ACAP2: variants seen among roughly 807,000 people sequenced by gnomAD.
ACAP2 encodes the protein arf-GAP with coiled-coil, ANK repeat and PH domain-containing protein 2.
A neutral mutation model predicts 115.8 loss-of-function variants in ACAP2; 39 were observed. That is an observed-to-expected ratio of 0.34 (90% confidence interval 0.26 to 0.44). ACAP2 has a LOEUF of 0.44. ACAP2 is among the 20% of genes least tolerant of loss of function. The pLI is 1.00. For synonymous variants in ACAP2, 289 were observed against 315.8 expected (o/e 0.92, Z 0.90); for missense variants, 662 against 927.6 (o/e 0.71, Z 3.72).
At chr3:195,355,683 C>T (rs1026027519) in intron 4 of ACAP2, among the ~76,000 whole-genome samples, 1 of 152,174 alleles carries the variant, frequency 6.6e-6, no homozygotes, top group Admixed American at 6.5e-5. Flanking sequence ...TAAAGCAGCA[C>T]TATCTCTGCT....
chr3:195,330,649 A>G (rs1300000020), intron 8 of ACAP2, among the ~76,000 whole-genome samples: 3 of 152,098 alleles, frequency 2.0e-5, no homozygotes. Flanking sequence ...ACCCTTCCCT[A>G]TATGGTGGAA....
intron 4 of ACAP2, among the ~76,000 whole-genome samples, chr3:195,372,987 C>CAAAAAAAAAAAAAAAAAAAAAAAA (rs869134113): frequency 2.8e-4 from 5 of 17,778 alleles, no homozygotes; most frequent in Non-Finnish European, 5.6e-4. Flanking sequence ...GACTCCATCT[C>CAAAAAAAAAAAAAAAAAAAAAAAA]AAAAAAAAAA....
Position 195,295,720 on chromosome 3 carries a change from C to A in ACAP2, c.1660G>T (p.Ala554Ser). The A allele has an allele frequency of 6.2e-7, 1 of 1,614,112 alleles. No individual in the cohort carries two copies. The highest frequency in any genetic ancestry group is 8.5e-7 in the Non-Finnish European group (1 of 1,179,994). The change falls in exon 17 of 23, where the codon GCC (alanine) becomes TCC (serine). Residue 554 changes from alanine (A) to serine (S), a missense_variant. Physicochemically the swap from Ala to Ser is moderately conservative, Grantham distance 99 (BLOSUM62 1). This residue lies in a region of ACAP2 where 133 missense variants were observed against 123.1 expected (regional missense o/e 1.08). Transcript: ENST00000326793. ...AAGTTTGCCATACCTGAACTTTGGGCAGATGCTCTGACTTGGTCCCCTGGC... is the reference window on the plus strand; with the variant it reads ...AAGTTTGCCATACCTGAACTTTGGGAAGATGCTCTGACTTGGTCCCCTGGC... The part of the protein sequence containing the change: ...FGPGDQVRAS[A>S]QSSVRSNDSG...
intron 1 of ACAP2, among the ~76,000 whole-genome samples, chr3:195,429,186 G>C (rs558006882): frequency 6.6e-6 from 1 of 151,954 alleles, no homozygotes; most frequent in African/African-American, 2.4e-5. Context: ...TCAGGAGTTC[G>C]AGACCAGCCT....
At chr3:195,422,958 A>G (rs956540089) in intron 1 of ACAP2, among the ~76,000 whole-genome samples, 39 of 152,338 alleles carry the variant, frequency 2.6e-4, no homozygotes, top group African/African-American at 9.1e-4. Context: ...GGCTAAATGT[A>G]ATGAAAAAGC....
At position 195,307,200 on chromosome 3, in the gene ACAP2, A is replaced by G. The variant is rs537541463; in HGVS notation, c.1010+23T>C. On this transcript the variant is annotated intron_variant, in intron 12 of 22. Transcript: ENST00000326793. ...AACTATAAAAACATAAAAGCAAATC[A>G]CAGATCCTTTAGAACCACTTACTTT... The G allele has an allele frequency of 2.7e-5, 43 of 1,581,864 alleles. No individual in the cohort carries two copies. The East Asian group carries it at 8.7e-4, about 32-fold the overall frequency.
At chr3:195,365,275 T>C (rs1248552731) in intron 4 of ACAP2, among the ~76,000 whole-genome samples, 2 of 152,198 alleles carry the variant, frequency 1.3e-5, no homozygotes, top group Non-Finnish European at 2.9e-5. Context: ...ACAAGGTGTA[T>C]AACTGGATTG....
chr3:195,417,049 C>G (rs1056544546), intron 1 of ACAP2, among the ~76,000 whole-genome samples: 1 of 149,364 alleles, frequency 6.7e-6, no homozygotes, highest in African/African-American at 2.5e-5. Context: ...ATACCTGGGA[C>G]TACAGCTGGG....
intron 4 of ACAP2, among the ~76,000 whole-genome samples, chr3:195,363,464 G>A (rs994878543): frequency 6.6e-6 from 1 of 152,186 alleles, no homozygotes; most frequent in South Asian, 2.1e-4. Context: ...CCAACATGAA[G>A]AAACTCCGTC....
At chr3:195,369,403 C>T (rs1732969122) in intron 4 of ACAP2, among the ~76,000 whole-genome samples, 1 of 152,078 alleles carries the variant, frequency 6.6e-6, no homozygotes, top group Middle Eastern at 3.4e-3. Flanking sequence ...TATTTTTTTC[C>T]GATCCTCTCC....
intron 4 of ACAP2, among the ~76,000 whole-genome samples, chr3:195,365,841 A>AT (rs59855378): frequency 0.25 from 34,543 of 138,202 alleles, 4,605 homozygotes; most frequent in Admixed American, 0.34. Context: ...GCCTATAGTA[A>AT]TTTTTTTTTT....
chr3:195,437,166 C>A (rs1715606918), intron 1 of ACAP2, among the ~76,000 whole-genome samples: 1 of 152,146 alleles, frequency 6.6e-6, no homozygotes, highest in African/African-American at 2.4e-5. Flanking sequence ...CCTGCCTCAG[C>A]CTCCTGAGTA....
chr3:195,286,579 C>A (rs1726859183), intron 21 of ACAP2, among the ~76,000 whole-genome samples: 1 of 152,204 alleles, frequency 6.6e-6, no homozygotes, highest in African/African-American at 2.4e-5. Context: ...ACCTCCATCA[C>A]CCTCTTCTGA....
chr3:195,381,983 C>T lies in ACAP2; in HGVS notation c.151G>A (p.Ala51Thr), dbSNP rs201703930. 4 of 1,611,280 alleles carry T rather than the reference C, an allele frequency of 2.5e-6. No homozygotes were observed. In the Admixed American group the frequency reaches 5.1e-5, roughly 20 times the overall value. Residue 51 changes from alanine (A) to threonine (T), a missense_variant, in exon 3 of 23, where the codon GCC (alanine) becomes ACC (threonine). By Grantham distance (58) the Ala-to-Thr change is moderately conservative. Coordinates refer to ENST00000326793, the MANE Select transcript of ACAP2 (RefSeq NM_012287.6). ...LCIAMIDTGK[A>T]FCVANKQFMN... ...AACTGTTTATTTGCAACACAAAAGG[C>T]TTTTCCAGTATCAATCATTGCAATA...
At chr3:195,432,857 T>C (rs1715242379) in intron 1 of ACAP2, among the ~76,000 whole-genome samples, 1 of 152,230 alleles carries the variant, frequency 6.6e-6, no homozygotes, top group Non-Finnish European at 1.5e-5. Context: ...TTAATGTCTT[T>C]CAATGGTGTT....
At chr3:195,373,285 C>T (rs929627452) in intron 4 of ACAP2, among the ~76,000 whole-genome samples, 4 of 151,962 alleles carry the variant, frequency 2.6e-5, no homozygotes, top group African/African-American at 7.2e-5. Flanking sequence ...AAATATTTTA[C>T]AGAGGATCTT....
intron 6 of ACAP2, among the ~76,000 whole-genome samples, chr3:195,341,323 T>TG (rs1173408354): frequency 7.3e-6 from 1 of 136,270 alleles, no homozygotes; most frequent in Non-Finnish European, 1.6e-5. Context: ...TTGTGTGGGT[T>TG]TTTTTTTTTT....
chr3:195,389,928 G>A (rs1734549363), intron 2 of ACAP2, among the ~76,000 whole-genome samples: 1 of 152,234 alleles, frequency 6.6e-6, no homozygotes, highest in Non-Finnish European at 1.5e-5. Context: ...GGGTGCAGTG[G>A]CTCATGCCTG....
At position 195,292,384 on chromosome 3, in the gene ACAP2, T is replaced by C. The variant is rs767771029; in HGVS notation, c.1834A>G (p.Arg612Gly). 5 of 1,613,794 alleles carry C rather than the reference T, an allele frequency of 3.1e-6. No homozygotes were observed. Among genetic ancestry groups the C allele is most frequent in the South Asian group, 2.2e-5 (2 of 91,038 alleles). ...KHLNPGLQLY[R>G]ASYEKNLPKM... ...GGAAGGTTTTTTTCATATGACGCCC[T>C]ATAAAGCTGAAGTCCTGGATTAAGA... Residue 612 changes from arginine (R) to glycine (G), a missense_variant, in exon 19 of 23, where the codon AGG becomes GGG. Arg to Gly is a moderately radical substitution (Grantham distance 125). Transcript: ENST00000326793.
Sources: allele counts gnomAD v4.1 joint callset (sites outside exome capture counted in the v4.1 genomes callset), GRCh38; gene constraint gnomAD v4.1.1; regional missense constraint gnomAD v4.1.1; transcripts MANE v1.5; gene names NCBI Gene and HGNC (gene_info 2026-07-23, HGNC 2026-07-21).